FEM1C: variants seen among roughly 807,000 people sequenced by gnomAD.
FEM1C encodes the protein fem-1 homolog C, also known as protein fem-1 homolog C.
A neutral mutation model predicts 37.6 loss-of-function variants in FEM1C; 15 were observed. That is an observed-to-expected ratio of 0.40 (90% CI 0.27 to 0.61). The LOEUF is 0.61. Among genes scored for constraint, FEM1C ranks in the 20% least tolerant of loss-of-function variants. The pLI is 0.42. For missense variants in FEM1C, 532 were observed against 749.7 expected (o/e 0.71, Z 3.39); for synonymous variants, 287 against 272.8 (o/e 1.05, Z -0.51).
At chr5:115,539,950 G>T (rs950005345) in intron 2 of FEM1C, among the ~76,000 whole-genome samples, 2 of 152,088 alleles carry the variant, frequency 1.3e-5, no homozygotes, top group African/African-American at 4.8e-5. Context: ...ATGGAATGTA[G>T]AAGTCACATG....
intron 2 of FEM1C, among the ~76,000 whole-genome samples, chr5:115,541,112 A>G (rs1754232188): frequency 6.6e-6 from 1 of 152,074 alleles, no homozygotes; most frequent in Admixed American, 6.5e-5. Flanking sequence ...ATCATACTGA[A>G]AAACTGGAAG....
At position 115,525,226 on chromosome 5, in the gene FEM1C, A is replaced by C. The variant is rs763637316; in HGVS notation, c.936T>G (p.Ile312Met). ...VNSAEELEGL[I>M]ADPDEMRMQA... ...GCATTCTCATCTCATCAGGATCAGC[A>C]ATAAGACCTTCTAGCTCTTCTGCAC... The change falls in exon 3 of 3, where the codon ATT (isoleucine) becomes ATG (methionine). Residue 312 changes from isoleucine to methionine, a missense_variant. Ile to Met is a conservative substitution (Grantham distance 10). Transcript: ENST00000274457. The C allele has an allele frequency of 8.1e-6, 13 of 1,613,572 alleles. No individual in the cohort carries two copies. Among genetic ancestry groups the C allele is most frequent in the Non-Finnish European group, 1.1e-5 (13 of 1,179,790 alleles).
In FEM1C at chr5:115,544,710, A is replaced by G. The variant is rs1322706079; in HGVS notation, c.-378T>C. On this transcript the variant is annotated 5_prime_UTR_variant, in exon 1 of 3. Transcript: ENST00000274457. Reference sequence around the variant, plus strand: ...GCTGTTCGCCACGCCCCGCCACCCGAGCTGCCTCCCGCCCTTAGTCGGCTC... The same window carrying G: ...GCTGTTCGCCACGCCCCGCCACCCGGGCTGCCTCCCGCCCTTAGTCGGCTC... The G allele has an allele frequency of 6.5e-6, 1 of 153,122 alleles. No individual in the cohort carries two copies. Among genetic ancestry groups the G allele is most frequent in the African/African-American group, 2.4e-5 (1 of 41,464 alleles). 9.5% of individuals were successfully genotyped at this position (153,122 alleles called of 1,614,324 possible).
intron 2 of FEM1C, among the ~76,000 whole-genome samples, chr5:115,534,499 C>T (rs924646674): frequency 6.6e-6 from 1 of 151,866 alleles, no homozygotes; most frequent in Non-Finnish European, 1.5e-5. Context: ...TGTTACCAAC[C>T]AACCATCTAA....
At chr5:115,544,280 T>A (rs983355345) in intron 1 of FEM1C, among the ~76,000 whole-genome samples, 2 of 137,862 alleles carry the variant, frequency 1.5e-5, no homozygotes, top group Admixed American at 1.5e-4. Context: ...CGCCAAGGGA[T>A]GATCCGCAGG....
rs1753790790 is a variant in FEM1C, at chr5:115,522,200, G to A, written c.*2108C>T. 1 of 150,860 alleles carries A rather than the reference G, an allele frequency of 6.6e-6. No homozygotes were observed. The highest frequency in any genetic ancestry group is 2.4e-5 in the African/African-American group (1 of 40,994). 9.3% of individuals were successfully genotyped at this position (150,860 alleles called of 1,614,324 possible). A position where few individuals can be genotyped will look rare whatever the true frequency, so the allele number is the denominator to read the frequency against. ...TCATCTGTTATCCTCAAATTATCGA[G>A]ATCAACTAATGTAATTTACTATAAT... is the stretch of plus-strand genomic sequence containing the variant. On this transcript the variant is annotated 3_prime_UTR_variant, in exon 3 of 3. Transcript: ENST00000274457.
rs1367180984 is a variant in FEM1C at position 115,539,858 on chromosome 5, T to C, written c.544+3092A>G. ...GAATTCCACCTTAGGTTAAAACATG[T>C]TCAAAATGCCAATAGCCTGTTAAAA... On this transcript the variant is annotated intron_variant, in intron 2 of 2. Coordinates refer to ENST00000274457, the MANE Select transcript of FEM1C (RefSeq NM_020177.3). Among the ~76,000 whole-genome samples the C allele has an allele frequency of 3.9e-5, 6 of 152,074 alleles. No homozygotes were observed. In the South Asian group the frequency reaches 6.2e-4, roughly 16 times the overall value.
In FEM1C at chr5:115,524,130, T is replaced by C; in HGVS notation, c.*178A>G. On this transcript the variant is annotated 3_prime_UTR_variant, in exon 3 of 3. Coordinates refer to ENST00000274457, the MANE Select transcript of FEM1C (RefSeq NM_020177.3). ...CACAAACAATATATTATATGGTATA[T>C]TTATATTAAATATTGGGAAACCAAT... 1.7e-6 allele frequency: 1 copy of C among 574,854 alleles called. No homozygotes were observed. The highest frequency in any genetic ancestry group is 3.1e-6 in the Non-Finnish European group (1 of 325,980). The allele number at this position is 574,854 out of a possible 1,614,324, so 35.6% of individuals were successfully genotyped here. A position where few individuals can be genotyped will look rare whatever the true frequency, so the allele number is the denominator to read the frequency against.
intron 1 of FEM1C, chr5:115,544,050 C>T: frequency 1.0e-6 from 1 of 985,416 alleles, no homozygotes; most frequent in Non-Finnish European, 1.2e-6. Flanking sequence ...GTTTCTCTTT[C>T]TTGCAACTGC....
intron 2 of FEM1C, 97 bp from the exon 3 acceptor site, chr5:115,525,714 A>C (rs1196702796): frequency 7.0e-6 from 7 of 1,005,814 alleles, no homozygotes; most frequent in Non-Finnish European, 9.8e-6. Flanking sequence ...AAAAGCAGGA[A>C]GCTTTAAGTT....
rs1194433347 is a variant in FEM1C, at chr5:115,525,297, G to A, written c.865C>T (p.Pro289Ser). 2.5e-6 allele frequency: 4 copies of A among 1,613,464 alleles called. No individual in the cohort carries two copies. In the South Asian group the frequency reaches 4.4e-5, roughly 18 times the overall value. ...TCATAAGCCATTATTAGTGTCTGTG[G>A]CACTGGTTTACTAATAATATTAGTC... Reference protein sequence around the residue: ...DRTNIISKPVPQTLIMAYDYA... With the variant: ...DRTNIISKPVSQTLIMAYDYA... The change falls in exon 3 of 3, where the codon CCA becomes TCA. Residue 289 changes from proline (P) to serine (S), a missense_variant. Pro to Ser is a moderately conservative substitution (Grantham distance 74). This residue lies in a region of FEM1C where 221 missense variants were observed against 404.1 expected (regional missense o/e 0.55). Coordinates refer to ENST00000274457, the MANE Select transcript of FEM1C (RefSeq NM_020177.3).
At chr5:115,533,248 T>G (rs967247746) in intron 2 of FEM1C, among the ~76,000 whole-genome samples, 1 of 152,084 alleles carries the variant, frequency 6.6e-6, no homozygotes, top group Non-Finnish European at 1.5e-5. Context: ...TTTTCTCATA[T>G]CTGTTTATAA....
chr5:115,530,166 A>G (rs956788181), intron 2 of FEM1C, among the ~76,000 whole-genome samples: 2 of 152,014 alleles, frequency 1.3e-5, no homozygotes, highest in Non-Finnish European at 2.9e-5. Flanking sequence ...CCTTAAATAT[A>G]TGGGTAGAAA....
chr5:115,537,915 T>A (rs1472309989), intron 2 of FEM1C, among the ~76,000 whole-genome samples: 1 of 152,038 alleles, frequency 6.6e-6, no homozygotes, highest in African/African-American at 2.4e-5. Flanking sequence ...TACCAACAGT[T>A]TTTAGTTTAC....
At position 115,521,597 on chromosome 5, in the gene FEM1C, C is replaced by T. The variant is rs1753776595; in HGVS notation, c.*2711G>A. On this transcript the variant is annotated 3_prime_UTR_variant, in exon 3 of 3. Transcript: ENST00000274457. ...TCAAAACAGTGGAACATCTAAAATT[C>T]AGGAGGCCCCAAAAGGGCATTTTCA... The T allele has an allele frequency of 6.6e-6, 1 of 151,728 alleles. No individual in the cohort carries two copies. Among genetic ancestry groups the T allele is most frequent in the Non-Finnish European group, 1.5e-5 (1 of 67,780 alleles). 9.4% of individuals were successfully genotyped at this position (151,728 alleles called of 1,614,324 possible). A position where few individuals can be genotyped will look rare whatever the true frequency, so the allele number is the denominator to read the frequency against.
chr5:115,537,501 C>T (rs76237597), intron 2 of FEM1C, among the ~76,000 whole-genome samples: 8,520 of 152,012 alleles, frequency 0.056, 271 homozygotes, highest in Middle Eastern at 0.12. Context: ...TATTTCCCTA[C>T]TGGACTCAAT....
intron 2 of FEM1C, among the ~76,000 whole-genome samples, chr5:115,538,990 T>C (rs575356388): frequency 2.6e-5 from 4 of 152,026 alleles, no homozygotes; most frequent in Non-Finnish European, 4.4e-5. Flanking sequence ...TAAAATCCTA[T>C]AGCATGGATT....
In FEM1C at chr5:115,522,942, TGA is replaced by T. The variant is rs373455006; in HGVS notation, c.*1364_*1365del. 80 of 141,894 alleles carry T rather than the reference TGA, an allele frequency of 5.6e-4. No individual in the cohort carries two copies. The highest frequency in any genetic ancestry group is 6.2e-4 in the African/African-American group (24 of 38,750). 8.8% of individuals were successfully genotyped at this position (141,894 alleles called of 1,614,324 possible). A position where few individuals can be genotyped will look rare whatever the true frequency, so the allele number is the denominator to read the frequency against. ...ATTAGCAAATCTGTGAGTGAGTGAG[TGA>T]GAGAGAGAGAGAGAGAGAAAGAGAA... On this transcript the variant is annotated 3_prime_UTR_variant, in exon 3 of 3. Coordinates refer to ENST00000274457, the MANE Select transcript of FEM1C (RefSeq NM_020177.3).
At chr5:115,535,475 C>G (rs1754106063) in intron 2 of FEM1C, among the ~76,000 whole-genome samples, 1 of 151,788 alleles carries the variant, frequency 6.6e-6, no homozygotes, top group African/African-American at 2.4e-5. Context: ...CCAATAACCA[C>G]ACGAATTAAG....
Sources: allele counts gnomAD v4.1 joint callset (sites outside exome capture counted in the v4.1 genomes callset), GRCh38; gene constraint gnomAD v4.1.1; regional missense constraint gnomAD v4.1.1; transcripts MANE v1.5; gene names NCBI Gene and HGNC (gene_info 2026-07-23, HGNC 2026-07-21).